FSD2: variants seen among roughly 807,000 people sequenced by gnomAD.
The protein encoded by FSD2 is fibronectin type III and SPRY domain-containing protein 2.
FSD2 carries 71 observed loss-of-function variants against 80.4 expected under a neutral mutation model. That is an observed-to-expected ratio of 0.88 (90% confidence interval 0.73 to 1.08). The LOEUF (loss-of-function observed/expected upper bound fraction) is 1.08, where lower values mean the gene tolerates loss of function less well. Ranked by LOEUF, FSD2 falls within the 50% of genes least tolerant of loss-of-function variation. FSD2 has a pLI of 0.00. For missense variants in FSD2, 923 were observed against 913.8 expected (o/e 1.01, Z -0.13); for synonymous variants, 361 against 329.5 (o/e 1.10, Z -1.03).
chr15:82,787,490 A>G (rs1027253616), intron 1 of FSD2, 22 bp from the exon 2 acceptor site: 2 of 1,218,038 alleles, frequency 1.6e-6, no homozygotes, highest in East Asian at 4.7e-5. Context: ...AAGGAGGAGG[A>G]AAATCATTTC....
intron 1 of FSD2, among the ~76,000 whole-genome samples, chr15:82,792,882 C>T (rs1440919436): frequency 2.0e-5 from 3 of 151,986 alleles, no homozygotes; most frequent in East Asian, 1.9e-4. Context: ...AAATATTGGC[C>T]TGTAGTTTTG....
intron 4 of FSD2, among the ~76,000 whole-genome samples, 186 bp downstream of exon 4, chr15:82,782,609 T>C (rs12912820): frequency 0.36 from 55,415 of 151,960 alleles, 10,336 homozygotes; most frequent in East Asian, 0.6. Flanking sequence ...TGCAGAGAGA[T>C]TGGGCCACAG....
At chr15:82,784,925 G>A (rs1473412928) in intron 3 of FSD2, among the ~76,000 whole-genome samples, 2 of 152,176 alleles carry the variant, frequency 1.3e-5, no homozygotes, top group Non-Finnish European at 2.9e-5. Flanking sequence ...GGGGACTGTG[G>A]CATGTTTGGT....
At chr15:82,771,403 T>C (rs1311381584) in intron 7 of FSD2, among the ~76,000 whole-genome samples, 1 of 152,250 alleles carries the variant, frequency 6.6e-6, no homozygotes, top group African/African-American at 2.4e-5. Flanking sequence ...CATGTTCAGC[T>C]GGGGCTCTTC....
chr15:82,765,089 A>G (rs1034382463), intron 11 of FSD2, 77 bp downstream of exon 11: 19 of 1,467,072 alleles, frequency 1.3e-5, no homozygotes, highest in Middle Eastern at 3.6e-4. Flanking sequence ...CCTCCGTGCC[A>G]TATTCGGATT....
chr15:82,782,588 C>T (rs141106879), intron 4 of FSD2, among the ~76,000 whole-genome samples: 17 of 152,250 alleles, frequency 1.1e-4, no homozygotes, highest in Admixed American at 2.0e-4. Context: ...TGGCCACTCA[C>T]GTGGAAGCCA....
In FSD2 at chr15:82,756,288, G is replaced by A; in HGVS notation, c.*3060C>T. 1 of 193,902 alleles carries A rather than the reference G, an allele frequency of 5.2e-6. No individual in the cohort carries two copies. Among genetic ancestry groups the A allele is most frequent in the South Asian group, 8.8e-5 (1 of 11,370 alleles). The allele number at this position is 193,902 out of a possible 1,614,324, so 12.0% of individuals were successfully genotyped here. A position where few individuals can be genotyped will look rare whatever the true frequency, so the allele number is the denominator to read the frequency against. On this transcript the variant is annotated 3_prime_UTR_variant, in exon 13 of 13. Coordinates refer to ENST00000334574, the MANE Select transcript of FSD2 (RefSeq NM_001007122.4). The stretch of plus-strand genomic sequence containing the variant: ...ACCGCCTTGCATCAAGACCAATGTA[G>A]TCTTATTTACAGAATGCCACATCAC...
At chr15:82,777,365 A>T (rs1238164965) in intron 6 of FSD2, among the ~76,000 whole-genome samples, 4 of 152,234 alleles carry the variant, frequency 2.6e-5, no homozygotes, top group African/African-American at 9.6e-5. Flanking sequence ...ATCTTCTACA[A>T]CTCAATAGCA....
rs1246985048 is a variant in FSD2, at chr15:82,786,558, T to C, written c.688A>G (p.Met230Val). Residue 230 changes from methionine to valine, a missense_variant, in exon 3 of 13, where the codon ATG becomes GTG. Coordinates refer to ENST00000334574, the MANE Select transcript of FSD2 (RefSeq NM_001007122.4). ...TCCAAATGATTTGCAAAGTTTTCCA[T>C]CTCAATTATCTGCTTTTCCAATTTG... is the stretch of plus-strand genomic sequence containing the variant. ...MYKLEKQIIE[M>V]ENFANHLEEV... 2.5e-6 allele frequency: 4 copies of C among 1,613,540 alleles called. No individual in the cohort carries two copies. The highest frequency in any genetic ancestry group is 3.4e-6 in the Non-Finnish European group (4 of 1,179,714).
chr15:82,787,139 A>C lies in FSD2; in HGVS notation c.252T>G (p.His84Gln), dbSNP rs1596253166. The part of the protein sequence containing the change: ...LVHLYGLEDD[H>Q]ELGDEFVDEN... The stretch of plus-strand genomic sequence containing the variant: ...CATCAACAAACTCATCCCCTAATTC[A>C]TGATCATCTTCAAGTCCATATAAGT... Residue 84 changes from histidine to glutamine, a missense_variant, in exon 2 of 13, where the codon CAT (histidine) becomes CAG (glutamine). By Grantham distance (24) the His-to-Gln change is conservative. Transcript: ENST00000334574. 1 of 1,613,834 alleles carries C rather than the reference A, an allele frequency of 6.2e-7. No individual in the cohort carries two copies. The highest frequency in any genetic ancestry group is 8.5e-7 in the Non-Finnish European group (1 of 1,179,902).
intron 11 of FSD2, among the ~76,000 whole-genome samples, chr15:82,763,958 A>G (rs906019971): frequency 2.6e-5 from 4 of 152,312 alleles, no homozygotes; most frequent in Admixed American, 6.5e-5. Context: ...TTTCATATGT[A>G]CATGTACAAA....
intron 10 of FSD2, among the ~76,000 whole-genome samples, chr15:82,765,536 A>G (rs558915479): frequency 6.6e-6 from 1 of 152,276 alleles, no homozygotes; most frequent in Admixed American, 6.5e-5. Context: ...CATTTTGTAG[A>G]TGAGGAAACA....
intron 1 of FSD2, among the ~76,000 whole-genome samples, chr15:82,791,945 C>T (rs11631378): frequency 0.15 from 22,175 of 152,122 alleles, 1,914 homozygotes; most frequent in South Asian, 0.34. Context: ...AAAAGTATTC[C>T]GTTGTATGGA....
intron 1 of FSD2, among the ~76,000 whole-genome samples, chr15:82,795,332 TC>T (rs982516305): frequency 9.2e-5 from 14 of 152,184 alleles, no homozygotes; most frequent in African/African-American, 2.9e-4. Flanking sequence ...GATTTTTTTT[TC>T]CATATAACAA....
chr15:82,779,462 C>G (rs1178213719), intron 5 of FSD2, among the ~76,000 whole-genome samples: 1 of 152,026 alleles, frequency 6.6e-6, no homozygotes, highest in Non-Finnish European at 1.5e-5. Flanking sequence ...GTCAGGAGTT[C>G]AAGACCAGCC....
At chr15:82,779,268 C>T (rs2049794198) in intron 5 of FSD2, among the ~76,000 whole-genome samples, 2 of 152,158 alleles carry the variant, frequency 1.3e-5, no homozygotes, top group African/African-American at 4.8e-5. Flanking sequence ...CCCAGGCTTC[C>T]TCTCCACATG....
chr15:82,769,722 C>T, intron 8 of FSD2, 28 bp downstream of exon 8: 1 of 1,589,342 alleles, frequency 6.3e-7, no homozygotes, highest in Non-Finnish European at 8.6e-7. Context: ...AATGAAAGCC[C>T]TGCTATAGGA....
intron 1 of FSD2, among the ~76,000 whole-genome samples, chr15:82,800,636 G>A (rs1390070685): frequency 2.3e-5 from 3 of 133,106 alleles, no homozygotes; most frequent in East Asian, 4.7e-4. Flanking sequence ...ACGTTGCAGC[G>A]AGCCAAGATC....
At chr15:82,762,325 C>A in intron 11 of FSD2, 47 bp from the exon 12 acceptor site, 1 of 1,588,146 alleles carries the variant, frequency 6.3e-7, no homozygotes, top group South Asian at 1.2e-5. Context: ...TGCCCCAAGC[C>A]TGGCTGTGCA....
Sources: gnomAD v4.1 joint callset for allele counts (sites outside exome capture counted in the v4.1 genomes callset) on GRCh38, gnomAD v4.1.1 for gene constraint, MANE v1.5 for transcripts, NCBI Gene and HGNC (gene_info 2026-07-23, HGNC 2026-07-21) for gene names.